DLGAP1: variants seen among roughly 807,000 people sequenced by gnomAD.
DLGAP1 encodes disks large-associated protein 1.
DLGAP1 carries 11 observed loss-of-function variants against 90.8 expected under a neutral mutation model. That is an observed-to-expected ratio of 0.12 (90% CI 0.08 to 0.20). DLGAP1 has a LOEUF of 0.20. DLGAP1 is among the 10% of genes least tolerant of loss of function. The pLI, the probability that DLGAP1 is intolerant of heterozygous loss-of-function variation, is 1.00. For missense variants in DLGAP1, 1,050 were observed against 1,333.8 expected (o/e 0.79, Z 3.31); for synonymous variants, 558 against 540.7 (o/e 1.03, Z -0.44).
intron 7 of DLGAP1, among the ~76,000 whole-genome samples, chr18:3,722,901 T>C (rs1160246791): frequency 1.3e-5 from 2 of 152,160 alleles, no homozygotes; most frequent in African/African-American, 4.8e-5. Context: ...CAGATTAACT[T>C]CATACTCAAG....
intron 7 of DLGAP1, among the ~76,000 whole-genome samples, chr18:3,692,749 TC>T (rs879655293): frequency 2.6e-5 from 4 of 152,246 alleles, no homozygotes; most frequent in African/African-American, 4.8e-5. Context: ...AGAATTATCC[TC>T]CTGAAACAAC....
At chr18:3,688,612 AAGACACAC>A (rs1192545836) in intron 7 of DLGAP1, among the ~76,000 whole-genome samples, 11 of 126,222 alleles carry the variant, frequency 8.7e-5, no homozygotes, top group Admixed American at 1.9e-4. Context: ...GTATTAAAAA[AAGACACAC>A]ACACACACAC....
intron 7 of DLGAP1, among the ~76,000 whole-genome samples, chr18:3,620,847 C>T (rs2058070698): frequency 6.6e-6 from 1 of 152,140 alleles, no homozygotes; most frequent in African/African-American, 2.4e-5. Context: ...CCAGAGCCAC[C>T]ACGTCCGGCC....
chr18:3,924,282 A>G (rs1216520132), intron 3 of DLGAP1, among the ~76,000 whole-genome samples: 3 of 152,168 alleles, frequency 2.0e-5, no homozygotes, highest in East Asian at 1.9e-4. Flanking sequence ...CTGGAAAACC[A>G]TGGGGAAATA....
At position 3,858,485 on chromosome 18, in the gene DLGAP1, T is replaced by C. The variant is rs1480872470; in HGVS notation, c.957+20627A>G. On this transcript the variant is annotated intron_variant, in intron 4 of 12. Coordinates refer to ENST00000315677, the MANE Select transcript of DLGAP1 (RefSeq NM_004746.4). ...ATACAACAAAAGGGAAACATATATA[T>C]ATATACGTGTATATATACATATATA... Among the ~76,000 whole-genome samples, 5 of 149,166 alleles carry C rather than the reference T, an allele frequency of 3.4e-5. No homozygotes were observed. The South Asian group carries it at 8.5e-4, about 25-fold the overall frequency.
intron 1 of DLGAP1, among the ~76,000 whole-genome samples, chr18:4,256,824 C>A (rs1293670406): frequency 6.6e-6 from 1 of 152,046 alleles, no homozygotes; most frequent in Non-Finnish European, 1.5e-5. Context: ...CTTTTTAATG[C>A]CAGGCTTCCT....
chr18:4,406,099 A>T (rs2048471488), intron 1 of DLGAP1, among the ~76,000 whole-genome samples: 1 of 152,164 alleles, frequency 6.6e-6, no homozygotes, highest in African/African-American at 2.4e-5. Context: ...CTTACGTTAC[A>T]AAGTTACACC....
At chr18:3,977,591 TC>T in intron 3 of DLGAP1, 1 of 208,686 alleles carries the variant, frequency 4.8e-6, no homozygotes, top group Non-Finnish European at 9.6e-6. Flanking sequence ...CGGCAGGGAC[TC>T]CCCCTCTCTC....
chr18:3,532,302 G>A (rs957450299), intron 10 of DLGAP1, among the ~76,000 whole-genome samples: 8 of 152,058 alleles, frequency 5.3e-5, no homozygotes, highest in Admixed American at 1.3e-4. Flanking sequence ...ATAATAGGCC[G>A]GGCACAGTGG....
At chr18:4,377,010 A>G (rs184035251) in intron 1 of DLGAP1, among the ~76,000 whole-genome samples, 1 of 152,312 alleles carries the variant, frequency 6.6e-6, no homozygotes, top group African/African-American at 2.4e-5. Flanking sequence ...GAATCCATCC[A>G]GTGATTGAAT....
chr18:3,925,190 T>C (rs912493038), intron 3 of DLGAP1, among the ~76,000 whole-genome samples: 1 of 152,062 alleles, frequency 6.6e-6, no homozygotes, highest in African/African-American at 2.4e-5. Context: ...TGACATCAGG[T>C]GAGCCGCCCA....
intron 6 of DLGAP1, among the ~76,000 whole-genome samples, chr18:3,741,841 CTTTTTCTT>C (rs2063064194): frequency 6.8e-6 from 1 of 147,458 alleles, no homozygotes; most frequent in African/African-American, 2.6e-5. Context: ...TTTTCTTTTT[CTTTTTCTT>C]TTTTTTTAAC....
chr18:3,602,064 T>G (rs2057068922), intron 7 of DLGAP1, among the ~76,000 whole-genome samples: 1 of 151,982 alleles, frequency 6.6e-6, no homozygotes, highest in African/African-American at 2.4e-5. Flanking sequence ...CCCACTATAA[T>G]TTTGCACTAC....
chr18:4,396,284 A>G (rs2082438307), intron 1 of DLGAP1, among the ~76,000 whole-genome samples: 1 of 152,202 alleles, frequency 6.6e-6, no homozygotes. Flanking sequence ...CAAAAGGTTC[A>G]TTAGCCCCAC....
chr18:3,737,808 C>A (rs1170925007), intron 6 of DLGAP1, among the ~76,000 whole-genome samples: 1 of 146,008 alleles, frequency 6.8e-6, no homozygotes, highest in Non-Finnish European at 1.5e-5. Flanking sequence ...AAAGGGTATT[C>A]AATTAGGAAA....
chr18:4,103,613 T>C, intron 2 of DLGAP1, among the ~76,000 whole-genome samples: 1 of 152,164 alleles, frequency 6.6e-6, no homozygotes, highest in Non-Finnish European at 1.5e-5. Context: ...CTGTAGTGAC[T>C]AGGAATTATA....
At chr18:3,803,483 G>A (rs969808728) in intron 5 of DLGAP1, among the ~76,000 whole-genome samples, 5 of 152,162 alleles carry the variant, frequency 3.3e-5, no homozygotes, top group Admixed American at 2.0e-4. Context: ...CTACCGAGGT[G>A]GTGGCAATTT....
At chr18:4,051,424 A>G (rs1490995714) in intron 2 of DLGAP1, among the ~76,000 whole-genome samples, 1 of 152,230 alleles carries the variant, frequency 6.6e-6, no homozygotes, top group Non-Finnish European at 1.5e-5. Flanking sequence ...CAGCAGCAAG[A>G]AGAAATGCAA....
Position 4,075,782 on chromosome 18 carries a change from T to A in DLGAP1, c.-158-70581A>T, listed in dbSNP as rs189841697. On this transcript the variant is annotated intron_variant, in intron 2 of 12. Coordinates refer to ENST00000315677, the MANE Select transcript of DLGAP1 (RefSeq NM_004746.4). The stretch of plus-strand genomic sequence containing the variant: ...TATTTCTTTCCAACAAGGCAAGCAC[T>A]GTTTCTCGTTATAGAGTTGTTCTTT... Among the ~76,000 whole-genome samples, 302 of 152,356 alleles carry A rather than the reference T, an allele frequency of 2.0e-3. 1 individual carries two copies. Among genetic ancestry groups the A allele is most frequent in the African/African-American group, 6.5e-3 (272 of 41,594 alleles).
Sources: gnomAD v4.1 joint callset for allele counts (sites outside exome capture counted in the v4.1 genomes callset) on GRCh38, gnomAD v4.1.1 for gene constraint, MANE v1.5 for transcripts, NCBI Gene and HGNC (gene_info 2026-07-23, HGNC 2026-07-21) for gene names.